The following ROBO2 variants were observed in gnomAD, a reference collection of about 807,000 sequenced individuals.
ROBO2 encodes roundabout homolog 2.
ROBO2 carries 53 observed loss-of-function variants against 160.8 expected under a neutral mutation model. The ratio of observed to expected loss-of-function variants is 0.33; its 90% CI spans 0.26 to 0.41. The LOEUF (loss-of-function observed/expected upper bound fraction) is 0.41. Among genes scored for constraint, ROBO2 ranks in the 10% least tolerant of loss-of-function variants. The pLI, the probability that ROBO2 is intolerant of heterozygous loss-of-function variation, is 1.00. For synonymous variants in ROBO2, 664 were observed against 611.7 expected, an observed-to-expected ratio of 1.09 and a Z score of -1.26; for missense variants, 1,577 against 1,722.4, an observed-to-expected ratio of 0.92 and a Z score of 1.49.
intron 2 of ROBO2, among the ~76,000 whole-genome samples, chr3:76,574,390 T>C (rs187319328): frequency 6.6e-6 from 1 of 152,254 alleles, no homozygotes; most frequent in Non-Finnish European, 1.5e-5. Flanking sequence ...CTGGAGATCA[T>C]TCTCTTTATG....
intron 2 of ROBO2, among the ~76,000 whole-genome samples, chr3:76,718,716 A>G (rs1401072648): frequency 1.3e-5 from 2 of 152,174 alleles, no homozygotes; most frequent in African/African-American, 2.4e-5. Flanking sequence ...GAGCAATGCT[A>G]TTTTACAGGG....
intron 2 of ROBO2, among the ~76,000 whole-genome samples, chr3:75,966,267 A>AC (rs1218948157): frequency 4.7e-5 from 3 of 64,162 alleles, no homozygotes; most frequent in African/African-American, 6.5e-5. Flanking sequence ...TGCCTAAATA[A>AC]CGTTTTTTTT....
At chr3:76,410,622 T>G (rs2075437065) in intron 2 of ROBO2, among the ~76,000 whole-genome samples, 1 of 152,166 alleles carries the variant, frequency 6.6e-6, no homozygotes, top group African/African-American at 2.4e-5. Flanking sequence ...AAATACTTTT[T>G]AGTTTATTAT....
chr3:76,348,207 C>A (rs1185997885), intron 2 of ROBO2, among the ~76,000 whole-genome samples: 1 of 152,094 alleles, frequency 6.6e-6, no homozygotes, highest in Non-Finnish European at 1.5e-5. Flanking sequence ...CACAGTCTCC[C>A]ACAGTCAGTA....
At chr3:77,280,093 A>G (rs1420432412) in intron 2 of ROBO2, among the ~76,000 whole-genome samples, 1 of 152,100 alleles carries the variant, frequency 6.6e-6, no homozygotes, top group African/African-American at 2.4e-5. Flanking sequence ...AGCATTGAGG[A>G]CTGTTCTCCA....
intron 2 of ROBO2, among the ~76,000 whole-genome samples, chr3:76,452,587 G>A (rs1012777536): frequency 6.6e-6 from 1 of 152,032 alleles, no homozygotes; most frequent in Non-Finnish European, 1.5e-5. Flanking sequence ...GTGGATATTT[G>A]GGCTGGTTCC....
intron 2 of ROBO2, among the ~76,000 whole-genome samples, chr3:76,160,812 T>G (rs541008854): frequency 6.6e-6 from 1 of 152,318 alleles, no homozygotes; most frequent in South Asian, 2.1e-4. Context: ...AAGTTTATTT[T>G]GTAGCAAAAA....
intron 2 of ROBO2, among the ~76,000 whole-genome samples, chr3:76,294,367 C>T (rs552961484): frequency 3.3e-5 from 5 of 152,212 alleles, no homozygotes; most frequent in African/African-American, 4.8e-5. Context: ...GTCCTGGCCA[C>T]GCCTCCCCGA....
At chr3:77,116,846 C>T (rs1190658594) in intron 2 of ROBO2, among the ~76,000 whole-genome samples, 2 of 152,136 alleles carry the variant, frequency 1.3e-5, no homozygotes, top group Non-Finnish European at 2.9e-5. Flanking sequence ...TGGGTCAGAG[C>T]TATTGCGACA....
At chr3:76,944,944 A>G (rs1009467993) in intron 2 of ROBO2, among the ~76,000 whole-genome samples, 7 of 151,390 alleles carry the variant, frequency 4.6e-5, no homozygotes, top group Admixed American at 6.6e-5. Context: ...GCTGGAGTTC[A>G]GTGGCGCGAT....
intron 2 of ROBO2, among the ~76,000 whole-genome samples, chr3:76,011,300 A>T (rs1040081021): frequency 6.6e-6 from 1 of 152,150 alleles, no homozygotes; most frequent in African/African-American, 2.4e-5. Flanking sequence ...CATTGTTGAG[A>T]TGCTGCCAGC....
chr3:77,098,859 A>AAACAAAC (rs1560004938), intron 2 of ROBO2, among the ~76,000 whole-genome samples: 10 of 135,306 alleles, frequency 7.4e-5, no homozygotes, highest in South Asian at 6.3e-4. Context: ...CCGTCTCAAA[A>AAACAAAC]AAACAAACAA....
At chr3:76,230,713 C>A (rs1383868192) in intron 2 of ROBO2, among the ~76,000 whole-genome samples, 1 of 68,802 alleles carries the variant, frequency 1.5e-5, no homozygotes, top group Non-Finnish European at 3.4e-5. Flanking sequence ...CCTTCTCACA[C>A]TGTTTTGGTT....
intron 2 of ROBO2, among the ~76,000 whole-genome samples, chr3:76,453,028 T>C (rs1233880390): frequency 5.9e-5 from 9 of 152,120 alleles, no homozygotes; most frequent in African/African-American, 1.2e-4. Flanking sequence ...GGTTGTTTGT[T>C]TTTTTCTTGT....
intron 2 of ROBO2, among the ~76,000 whole-genome samples, chr3:76,649,044 G>A (rs1290577680): frequency 6.6e-6 from 1 of 152,048 alleles, no homozygotes; most frequent in Admixed American, 6.6e-5. Context: ...ATCTCTTTCA[G>A]ATATTGACTT....
intron 2 of ROBO2, among the ~76,000 whole-genome samples, chr3:76,470,181 G>C (rs2078582124): frequency 6.6e-6 from 1 of 152,074 alleles, no homozygotes; most frequent in African/African-American, 2.4e-5. Flanking sequence ...GTCTTTCTTT[G>C]TTTTATCATT....
At position 76,827,032 on chromosome 3, in the gene ROBO2, C is replaced by A. The variant is rs186228897; in HGVS notation, c.110-270982C>A. The stretch of plus-strand genomic sequence containing the variant: ...GAGGGTAGCACTAGCAAATACTACA[C>A]ATTAACTTGTCGCACATGACAATAT... On this transcript the variant is annotated intron_variant, in intron 2 of 26. Transcript: ENST00000487694. 5.4e-4 allele frequency among the ~76,000 whole-genome samples: 82 copies of A among 152,268 alleles called. 1 individual carries two copies. Among genetic ancestry groups the A allele is most frequent in the Admixed American group, 3.9e-3 (60 of 15,274 alleles).
chr3:77,609,772 T>C (rs933306006), intron 21 of ROBO2, among the ~76,000 whole-genome samples: 4 of 140,946 alleles, frequency 2.8e-5, no homozygotes, highest in African/African-American at 7.8e-5. Flanking sequence ...TTTCTACATA[T>C]TTGGAAACTT....
At chr3:76,961,047 G>A (rs1234684744) in intron 2 of ROBO2, among the ~76,000 whole-genome samples, 1 of 151,890 alleles carries the variant, frequency 6.6e-6, no homozygotes, top group Non-Finnish European at 1.5e-5. Context: ...TAATAAATGT[G>A]GGAACACTCA....
Sources: allele counts gnomAD v4.1 joint callset (sites outside exome capture counted in the v4.1 genomes callset), GRCh38; gene constraint gnomAD v4.1.1; transcripts MANE v1.5; gene names NCBI Gene and HGNC (gene_info 2026-07-23, HGNC 2026-07-21).